The following ITGA8 variants were observed in gnomAD, a reference collection of about 807,000 sequenced individuals.
The protein encoded by ITGA8 is integrin subunit alpha 8.
In ITGA8, 91 loss-of-function variants were observed where a neutral mutation model predicts 142.3. That is an observed-to-expected ratio of 0.64 (90% CI 0.54 to 0.76). The LOEUF is 0.76. ITGA8 is among the 30% of genes least tolerant of loss of function. The pLI, the probability that ITGA8 is intolerant of heterozygous loss-of-function variation, is 0.00. For synonymous variants in ITGA8, 505 were observed against 485.2 expected (o/e 1.04, Z -0.54); for missense variants, 1,406 against 1,327.7 (o/e 1.06, Z -0.92).
In ITGA8 at chr10:15,519,431, C is replaced by A. The variant is rs1191559883; in HGVS notation, c.2983-19G>T. 7 of 1,612,666 alleles carry A rather than the reference C, an allele frequency of 4.3e-6. No homozygotes were observed. Among genetic ancestry groups the A allele is most frequent in the African/African-American group, 1.3e-5 (1 of 75,008 alleles). ...TCTTAATCTGAAATGGAAAACAAAG[C>A]AAATGAGCTCTAATGCGAAAACTAT... is the stretch of plus-strand genomic sequence containing the variant. On this transcript the variant is annotated intron_variant, in intron 28 of 29. Transcript: ENST00000378076.
At chr10:15,632,401 A>G (rs548465768) in intron 13 of ITGA8, among the ~76,000 whole-genome samples, 1 of 152,324 alleles carries the variant, frequency 6.6e-6, no homozygotes, top group East Asian at 1.9e-4. Flanking sequence ...AAAAAGTCAG[A>G]TATTATGTTA....
rs556378482 is a variant in ITGA8, at chr10:15,539,506, G to A, written c.2881-8355C>T. 1.1e-4 allele frequency among the ~76,000 whole-genome samples: 17 copies of A among 152,108 alleles called. 1 individual carries two copies. The highest frequency in any genetic ancestry group is 2.9e-4 in the African/African-American group (12 of 41,476). ...CTGAGCCAGTATGACCCAATACTGC[G>A]GGTCATTATTTTGGGCAGGAAATAA... On this transcript the variant is annotated intron_variant, in intron 27 of 29. Transcript: ENST00000378076.
chr10:15,539,567 C>T (rs986398268), intron 27 of ITGA8, among the ~76,000 whole-genome samples: 13 of 152,034 alleles, frequency 8.6e-5, no homozygotes, highest in African/African-American at 2.9e-4. Flanking sequence ...TGTCTCTGTT[C>T]CCTGAGATCC....
rs568742134 is a variant in ITGA8 at position 15,718,780 on chromosome 10, G to C, written c.329C>G (p.Pro110Arg). 2 of 1,613,944 alleles carry C rather than the reference G, an allele frequency of 1.2e-6. No homozygotes were observed. Among genetic ancestry groups the C allele is most frequent in the Non-Finnish European group, 1.7e-6 (2 of 1,179,916 alleles). The change falls in exon 2 of 30, where the codon CCG becomes CGG. Residue 110 changes from proline (P) to arginine (R), a missense_variant. By Grantham distance (103) the Pro-to-Arg change is moderately radical (BLOSUM62 -2). Transcript: ENST00000378076. ...AEGSAQCRQIPFDTTNNRKIR... is the reference protein window; with the variant it reads ...AEGSAQCRQIRFDTTNNRKIR... Reference sequence around the variant, plus strand: ...ATCTCACTTACTGGTGGTGTCAAACGGTATCTGCCTGCACTGCGCAGACCC... The same window carrying C: ...ATCTCACTTACTGGTGGTGTCAAACCGTATCTGCCTGCACTGCGCAGACCC...
At chr10:15,638,936 G>T (rs1035176460) in intron 13 of ITGA8, among the ~76,000 whole-genome samples, 2 of 152,024 alleles carry the variant, frequency 1.3e-5, no homozygotes, top group East Asian at 3.9e-4. Context: ...AAACCAGCCT[G>T]GGCAACATAG....
intron 26 of ITGA8, among the ~76,000 whole-genome samples, chr10:15,554,306 CCT>C (rs910606347): frequency 8.5e-5 from 13 of 152,088 alleles, no homozygotes; most frequent in Non-Finnish European, 1.6e-4. Flanking sequence ...GATGAATTGC[CCT>C]GAGTTCAGAA....
At chr10:15,624,275 C>T (rs192493918) in intron 13 of ITGA8, among the ~76,000 whole-genome samples, 6 of 152,306 alleles carry the variant, frequency 3.9e-5, no homozygotes, top group African/African-American at 1.2e-4. Flanking sequence ...GCTGAAAAAT[C>T]AGCAATTCTC....
chr10:15,597,367 G>A, intron 20 of ITGA8, 68 bp from the exon 21 acceptor site: 1 of 1,293,496 alleles, frequency 7.7e-7, no homozygotes, highest in Admixed American at 1.7e-5. Flanking sequence ...AAGCCATGCT[G>A]GGGGCCTGGG....
rs371660617 is a variant in ITGA8, at chr10:15,612,471, G to C, written c.1553+1189C>G. On this transcript the variant is annotated intron_variant, in intron 15 of 29. Transcript: ENST00000378076. ...AAAATATTAAACACCCCAAGGATTT[G>C]TTGATCTTTCAGAGGGTATACCCTG... Among the ~76,000 whole-genome samples, 5 of 152,346 alleles carry C rather than the reference G, an allele frequency of 3.3e-5. No homozygotes were observed. The East Asian group carries it at 9.7e-4, about 29-fold the overall frequency.
chr10:15,585,428 A>T (rs534120916), intron 23 of ITGA8, among the ~76,000 whole-genome samples: 1 of 152,184 alleles, frequency 6.6e-6, no homozygotes, highest in African/African-American at 2.4e-5. Context: ...TTATTCTCTA[A>T]TCCGCTAGGG....
chr10:15,593,216 C>T (rs1433194409), intron 21 of ITGA8, among the ~76,000 whole-genome samples: 1 of 152,058 alleles, frequency 6.6e-6, no homozygotes, highest in Admixed American at 6.5e-5. Context: ...TTTAAAACTG[C>T]TTTTATTATT....
intron 26 of ITGA8, among the ~76,000 whole-genome samples, chr10:15,549,323 G>C (rs1044788226): frequency 6.7e-6 from 1 of 149,096 alleles, no homozygotes; most frequent in Non-Finnish European, 1.5e-5. Flanking sequence ...TGATTCTCTT[G>C]CCTCAGCCTC....
At chr10:15,601,185 G>C (rs916634332) in intron 20 of ITGA8, among the ~76,000 whole-genome samples, 1 of 152,052 alleles carries the variant, frequency 6.6e-6, no homozygotes, top group Admixed American at 6.6e-5. Flanking sequence ...GTTGTAGTGA[G>C]CCAAGATCAT....
intron 2 of ITGA8, among the ~76,000 whole-genome samples, chr10:15,712,812 C>T (rs1478065274): frequency 6.6e-6 from 1 of 152,088 alleles, no homozygotes; most frequent in African/African-American, 2.4e-5. Flanking sequence ...GTGTGTTTTT[C>T]CTTTCAGAAT....
In ITGA8 at chr10:15,525,667, A is replaced by G. The variant is rs1833159161; in HGVS notation, c.2982+5383T>C. 2.7e-5 allele frequency among the ~76,000 whole-genome samples: 4 copies of G among 150,924 alleles called. No homozygotes were observed. In the South Asian group the frequency reaches 8.4e-4, roughly 32 times the overall value. ...TCTCAAAAAAAAAAAAAAAAAAAAA[A>G]AGGAGTGAAAAGAAGCAGGGGATGT... On this transcript the variant is annotated intron_variant, in intron 28 of 29. Coordinates refer to ENST00000378076, the MANE Select transcript of ITGA8 (RefSeq NM_003638.3).
intron 23 of ITGA8, among the ~76,000 whole-genome samples, chr10:15,584,661 C>A (rs1832792277): frequency 6.6e-6 from 1 of 152,164 alleles, no homozygotes; most frequent in African/African-American, 2.4e-5. Flanking sequence ...TGACATTCTT[C>A]CCCCTGTGTA....
intron 25 of ITGA8, among the ~76,000 whole-genome samples, chr10:15,571,202 A>T (rs1834176107): frequency 6.6e-6 from 1 of 152,114 alleles, no homozygotes; most frequent in Non-Finnish European, 1.5e-5. Context: ...TTTGAATAGG[A>T]GGCATGTTGG....
rs754958256 is a variant in ITGA8, at chr10:15,552,985, G to T, written c.2767-4417C>A. 2.6e-5 allele frequency among the ~76,000 whole-genome samples: 4 copies of T among 152,126 alleles called. No individual in the cohort carries two copies. In the South Asian group the frequency reaches 8.3e-4, roughly 32 times the overall value. ...TAAAAATTTACTTGAGGCTGGGTGC[G>T]GTGGCTCACACCTATAACCCCAGCA... On this transcript the variant is annotated intron_variant, in intron 26 of 29. Coordinates refer to ENST00000378076, the MANE Select transcript of ITGA8 (RefSeq NM_003638.3).
intron 26 of ITGA8, among the ~76,000 whole-genome samples, chr10:15,557,105 G>T (rs1013459404): frequency 1.3e-5 from 2 of 152,228 alleles, no homozygotes; most frequent in African/African-American, 2.4e-5. Context: ...CTCTGACCGG[G>T]CATGGTGGCT....
Sources: gnomAD v4.1 joint callset for allele counts (sites outside exome capture counted in the v4.1 genomes callset) on GRCh38, gnomAD v4.1.1 for gene constraint, MANE v1.5 for transcripts, NCBI Gene and HGNC (gene_info 2026-07-23, HGNC 2026-07-21) for gene names.